The following MAST2 variants were observed in gnomAD, a reference collection of about 807,000 sequenced individuals.
MAST2 encodes microtubule associated serine/threonine kinase 2.
Under a neutral mutation model 147.4 loss-of-function variants are expected in MAST2, and 70 were observed. The ratio of observed to expected loss-of-function variants is 0.47; its 90% CI spans 0.39 to 0.58. The LOEUF (loss-of-function observed/expected upper bound fraction) is 0.58. MAST2 is among the 20% of genes least tolerant of loss of function. MAST2 has a pLI of 0.00. For synonymous variants in MAST2, 869 were observed against 896.8 expected, an observed-to-expected ratio of 0.97 and a Z score of 0.55; for missense variants, 2,080 against 2,302.3, an observed-to-expected ratio of 0.90 and a Z score of 1.98.
chr1:45,889,284 T>C (rs1453793215), intron 4 of MAST2, among the ~76,000 whole-genome samples: 1 of 151,978 alleles, frequency 6.6e-6, no homozygotes, highest in East Asian at 1.9e-4. Flanking sequence ...CTTCCTGGGC[T>C]CAGGTGGTAC....
At chr1:45,963,249 T>C (rs928717629) in intron 5 of MAST2, among the ~76,000 whole-genome samples, 3 of 152,244 alleles carry the variant, frequency 2.0e-5, no homozygotes, top group African/African-American at 4.8e-5. Context: ...CAATGCGGGC[T>C]CTTTTTTGGT....
At chr1:45,854,495 C>A (rs747398630) in intron 3 of MAST2, among the ~76,000 whole-genome samples, 1 of 152,130 alleles carries the variant, frequency 6.6e-6, no homozygotes, top group African/African-American at 2.4e-5. Flanking sequence ...TGATTCCTTA[C>A]ACTTACTGTT....
intron 4 of MAST2, among the ~76,000 whole-genome samples, chr1:45,896,273 C>G (rs1305295683): frequency 6.6e-6 from 1 of 152,080 alleles, no homozygotes; most frequent in Non-Finnish European, 1.5e-5. Flanking sequence ...TCAAGTGATC[C>G]GCCCTCCTTG....
intron 3 of MAST2, chr1:45,847,418 G>T (rs1217131469): frequency 1.8e-6 from 1 of 547,380 alleles, no homozygotes; most frequent in Non-Finnish European, 3.5e-6. Context: ...TTTTTTGGGG[G>T]GGATCAAGAT....
intron 5 of MAST2, among the ~76,000 whole-genome samples, chr1:45,966,713 C>T (rs1007481265): frequency 1.3e-5 from 2 of 151,748 alleles, no homozygotes; most frequent in Non-Finnish European, 2.9e-5. Flanking sequence ...AAGAGTGAGA[C>T]TCTGTCTCAG....
intron 5 of MAST2, among the ~76,000 whole-genome samples, chr1:45,990,880 G>T (rs1472427681): frequency 6.6e-6 from 1 of 152,014 alleles, no homozygotes; most frequent in Non-Finnish European, 1.5e-5. Flanking sequence ...TAATTTTAAT[G>T]CAGTCTAGCT....
intron 10 of MAST2, among the ~76,000 whole-genome samples, chr1:46,018,880 T>C (rs1199510226): frequency 6.6e-6 from 1 of 152,226 alleles, no homozygotes; most frequent in Non-Finnish European, 1.5e-5. Flanking sequence ...GAACTGAGCT[T>C]ATCTTTTCTG....
intron 5 of MAST2, among the ~76,000 whole-genome samples, chr1:45,991,010 T>A (rs1644835509): frequency 6.6e-6 from 1 of 152,202 alleles, no homozygotes; most frequent in Non-Finnish European, 1.5e-5. Flanking sequence ...CGTTTTTTGT[T>A]TTTACATTTA....
intron 6 of MAST2, chr1:46,001,062 G>A (rs942370567): frequency 1.9e-5 from 21 of 1,103,290 alleles, no homozygotes; most frequent in Non-Finnish European, 2.6e-5. Context: ...TGTGGTTGGT[G>A]AAAACTGGTT....
rs1418346521 is a variant in MAST2, at chr1:46,030,659, C to A, written c.2606C>A (p.Pro869His). 4 of 1,611,856 alleles carry A rather than the reference C, an allele frequency of 2.5e-6. No homozygotes were observed. The highest frequency in any genetic ancestry group is 2.2e-5 in the South Asian group (2 of 90,524). Reference sequence around the variant, plus strand: ...CTGCTCGAGGAGCGCCGGACACCACCCCCGACCAAGCGCAGCCTGAGTGAG... The same window carrying A: ...CTGCTCGAGGAGCGCCGGACACCACACCCGACCAAGCGCAGCCTGAGTGAG... ...LSLLEERRTP[P>H]PTKRSLSEEK... The change falls in exon 22 of 29, where the codon CCC (proline) becomes CAC (histidine). Residue 869 changes from proline (P) to histidine (H), a missense_variant. By Grantham distance (77) the Pro-to-His change is moderately conservative (BLOSUM62 -2). This residue lies in a region of MAST2 where 1,278 missense variants were observed against 1,304.2 expected (regional missense o/e 0.98). Coordinates refer to ENST00000361297, the MANE Select transcript of MAST2 (RefSeq NM_015112.3).
Position 46,023,546 on chromosome 1 carries a change from C to G in MAST2, c.1572-226C>G. ...CTCTTACTACCACGCATCCTCCATT[C>G]CCTGAGCTCTGGGGAAGCATTGAGC... On this transcript the variant is annotated intron_variant, in intron 14 of 28. Transcript: ENST00000361297. This position sits in a 1 kb window ranked among gnomAD's most constrained non-coding sequence, Gnocchi z 4.9. The G allele has an allele frequency of 4.8e-6, 3 of 619,452 alleles. No individual in the cohort carries two copies. The highest frequency in any genetic ancestry group is 8.6e-6 in the Non-Finnish European group (3 of 349,012). 38.4% of individuals were successfully genotyped at this position (619,452 alleles called of 1,614,324 possible).
intron 4 of MAST2, among the ~76,000 whole-genome samples, chr1:45,946,492 A>C (rs1658047448): frequency 6.6e-6 from 1 of 152,200 alleles, no homozygotes; most frequent in Non-Finnish European, 1.5e-5. Context: ...AAGTGTTCTT[A>C]GTCTATTAAA....
intron 5 of MAST2, among the ~76,000 whole-genome samples, chr1:45,981,326 C>T (rs1266439904): frequency 6.6e-6 from 1 of 152,058 alleles, no homozygotes; most frequent in Non-Finnish European, 1.5e-5. Flanking sequence ...CCTGCCTTGG[C>T]CTCTCAAAGT....
chr1:45,824,739 A>G (rs1187316667), intron 2 of MAST2, among the ~76,000 whole-genome samples, 159 bp downstream of exon 2: 1 of 152,178 alleles, frequency 6.6e-6, no homozygotes, highest in East Asian at 1.9e-4. Context: ...CTTCTTCCTC[A>G]TGGAATCTCT....
intron 4 of MAST2, among the ~76,000 whole-genome samples, chr1:45,909,171 A>T (rs1232828408): frequency 6.6e-6 from 1 of 152,084 alleles, no homozygotes; most frequent in Non-Finnish European, 1.5e-5. Flanking sequence ...ACAGTATGTA[A>T]AGTTTGTTGT....
At chr1:45,926,052 T>TTCTTG (rs1416217512) in intron 4 of MAST2, among the ~76,000 whole-genome samples, 2 of 152,180 alleles carry the variant, frequency 1.3e-5, no homozygotes, top group Non-Finnish European at 2.9e-5. Flanking sequence ...ACACCTGCTT[T>TTCTTG]TCTTGTCTTG....
chr1:46,017,971 G>A (rs1646028638), intron 10 of MAST2, among the ~76,000 whole-genome samples: 2 of 151,966 alleles, frequency 1.3e-5, no homozygotes, highest in Non-Finnish European at 2.9e-5. Flanking sequence ...CTTCCCACCA[G>A]TCTACCAAAA....
rs536325883 is a variant in MAST2 at position 45,999,763 on chromosome 1, C to G, written c.668+1964C>G. 7.6e-4 allele frequency among the ~76,000 whole-genome samples: 116 copies of G among 152,314 alleles called. 1 individual carries two copies. The highest frequency in any genetic ancestry group is 2.7e-3 in the African/African-American group (113 of 41,574). ...TCCCTAAACATTCAATCTAAAGGGG[C>G]CTTCTTGTCTTTCTCCATCAAATCA... On this transcript the variant is annotated intron_variant, in intron 6 of 28. Coordinates refer to ENST00000361297, the MANE Select transcript of MAST2 (RefSeq NM_015112.3).
chr1:46,030,175 A>T lies in MAST2; in HGVS notation c.2490A>T (p.Glu830Asp). ...ACATGGACTCGGAGGATGAGGAAGA[A>T]GTGAGTGAGGATGGCTGCCTTGAGA... ...YHHMDSEDEE[E>D]VSEDGCLEIR... Residue 830 changes from glutamate (E) to aspartate (D), a missense_variant, in exon 21 of 29, where the codon GAA (glutamate) becomes GAT (aspartate). Glu to Asp is a conservative substitution (Grantham distance 45, BLOSUM62 2). This residue lies in a region of MAST2 where 1,278 missense variants were observed against 1,304.2 expected (regional missense o/e 0.98). Transcript: ENST00000361297. The T allele has an allele frequency of 6.2e-7, 1 of 1,614,254 alleles. No homozygotes were observed. The highest frequency in any genetic ancestry group is 8.5e-7 in the Non-Finnish European group (1 of 1,180,042).
Sources: allele counts gnomAD v4.1 joint callset (sites outside exome capture counted in the v4.1 genomes callset), GRCh38; gene constraint gnomAD v4.1.1; regional missense constraint gnomAD v4.1.1; non-coding constraint Gnocchi (gnomAD v3.1); transcripts MANE v1.5; gene names NCBI Gene and HGNC (gene_info 2026-07-23, HGNC 2026-07-21).